TMEM117: variants seen among roughly 807,000 people sequenced by gnomAD.
The protein encoded by TMEM117 is transmembrane protein 117.
TMEM117 carries 27 observed loss-of-function variants against 52.4 expected under a neutral mutation model. That is an observed-to-expected ratio of 0.51 (90% CI 0.38 to 0.71). The LOEUF is 0.71. Among genes scored for constraint, TMEM117 ranks in the 30% least tolerant of loss-of-function variants. The probability of loss-of-function intolerance (pLI) is 0.00; values close to 1 mark genes in which losing one functional copy is unlikely to be tolerated. For synonymous variants in TMEM117, 215 were observed against 206.3 expected (o/e 1.04, Z -0.36); for missense variants, 556 against 630.5 (o/e 0.88, Z 1.26).
At chr12:44,194,554 C>G (rs1949394168) in intron 4 of TMEM117, among the ~76,000 whole-genome samples, 1 of 152,162 alleles carries the variant, frequency 6.6e-6, no homozygotes, top group Non-Finnish European at 1.5e-5. Flanking sequence ...ACTTAATCCA[C>G]TTAATCCCAG....
chr12:43,886,597 G>T (rs1420913892), intron 2 of TMEM117, among the ~76,000 whole-genome samples: 1 of 151,858 alleles, frequency 6.6e-6, no homozygotes, highest in Non-Finnish European at 1.5e-5. Flanking sequence ...TTTGAGAAAT[G>T]TTTTTTTTCT....
chr12:44,065,109 G>T (rs1947201931), intron 3 of TMEM117, among the ~76,000 whole-genome samples: 1 of 152,156 alleles, frequency 6.6e-6, no homozygotes, highest in South Asian at 2.1e-4. Context: ...AACTGGCTGG[G>T]CATGGTGGCT....
At position 44,115,310 on chromosome 12, in the gene TMEM117, G is replaced by A. The variant is rs114574834; in HGVS notation, c.411-28215G>A. On this transcript the variant is annotated intron_variant, in intron 3 of 7. Transcript: ENST00000266534. ...ACATCACACACTGGGGCCTGTTGTC[G>A]GGTGGGGAGAAGGGGGAGGGATAGC... Among the ~76,000 whole-genome samples the A allele has an allele frequency of 8.8e-3, 1,346 of 152,246 alleles. 19 individuals carry two copies. The highest frequency in any genetic ancestry group is 0.03 in the African/African-American group (1,254 of 41,540).
At chr12:44,037,220 G>C (rs554113218) in intron 3 of TMEM117, among the ~76,000 whole-genome samples, 1 of 152,266 alleles carries the variant, frequency 6.6e-6, no homozygotes, top group Non-Finnish European at 1.5e-5. Flanking sequence ...GGCAGGAGCC[G>C]TGCTGTCCTG....
the TMEM117 span, chr12:43,795,877 T>G: frequency 1.1e-6 from 1 of 888,644 alleles, no homozygotes; most frequent in African/African-American, 1.7e-5. Context: ...AAGGACCATA[T>G]GTAAACAGTT....
At chr12:44,108,427 T>G in intron 3 of TMEM117, among the ~76,000 whole-genome samples, 1 of 97,028 alleles carries the variant, frequency 1.0e-5, no homozygotes. Flanking sequence ...CATTGTTCAA[T>G]TCCCACCTAT....
chr12:44,276,737 T>TTA (rs1403808455), intron 5 of TMEM117, among the ~76,000 whole-genome samples: 2 of 152,176 alleles, frequency 1.3e-5, no homozygotes, highest in African/African-American at 4.8e-5. Flanking sequence ...AAGCATTATG[T>TTA]TATATACCAT....
At chr12:43,895,018 G>A (rs1944174465) in intron 2 of TMEM117, among the ~76,000 whole-genome samples, 1 of 152,098 alleles carries the variant, frequency 6.6e-6, no homozygotes, top group African/African-American at 2.4e-5. Context: ...TTTAAGTTCA[G>A]GGCTATAAGT....
At chr12:44,154,053 A>G (rs1286341794) in intron 4 of TMEM117, among the ~76,000 whole-genome samples, 4 of 152,024 alleles carry the variant, frequency 2.6e-5, no homozygotes, top group Non-Finnish European at 5.9e-5. Context: ...TCCTTGGCTG[A>G]CAAAATATGT....
At chr12:44,207,803 T>TA (rs111798692) in intron 4 of TMEM117, among the ~76,000 whole-genome samples, 14,240 of 140,512 alleles carry the variant, frequency 0.1, 1,842 homozygotes, top group African/African-American at 0.31. Context: ...TTGCCCTAAA[T>TA]AAAAAAAAAA....
chr12:44,154,184 G>T (rs551959156), intron 4 of TMEM117, among the ~76,000 whole-genome samples: 1 of 152,040 alleles, frequency 6.6e-6, no homozygotes, highest in Non-Finnish European at 1.5e-5. Flanking sequence ...AATTAAGCAT[G>T]CAACAGCAAT....
intron 3 of TMEM117, among the ~76,000 whole-genome samples, chr12:44,119,620 G>A (rs1224240687): frequency 6.6e-6 from 1 of 152,078 alleles, no homozygotes; most frequent in Non-Finnish European, 1.5e-5. Flanking sequence ...GCTTAGTGTG[G>A]TGACTCACAC....
At chr12:44,376,904 C>A (rs1951949777) in intron 7 of TMEM117, among the ~76,000 whole-genome samples, 180 bp downstream of exon 7, 1 of 152,132 alleles carries the variant, frequency 6.6e-6, no homozygotes, top group African/African-American at 2.4e-5. Flanking sequence ...CATTCTGGGA[C>A]CTAAGTTACT....
At chr12:43,818,793 G>A in the TMEM117 span, among the ~76,000 whole-genome samples, 16 of 152,224 alleles carry the variant, frequency 1.1e-4, no homozygotes, top group South Asian at 2.9e-3. Flanking sequence ...TATGGTCTCA[G>A]TTCAGATTTT....
At chr12:44,220,707 C>T (rs1268108279) in intron 5 of TMEM117, among the ~76,000 whole-genome samples, 2 of 152,032 alleles carry the variant, frequency 1.3e-5, no homozygotes, top group African/African-American at 4.8e-5. Context: ...GATCCTGCAG[C>T]ATCGTGTCAT....
intron 2 of TMEM117, among the ~76,000 whole-genome samples, chr12:43,943,176 CAAAAAAAAAAA>C (rs10667663): frequency 1.4e-5 from 1 of 72,228 alleles, no homozygotes; most frequent in African/African-American, 5.5e-5. Flanking sequence ...GACTCTGTCT[CAAAAAAAAAAA>C]AAAAAAAAAA....
At position 44,228,956 on chromosome 12, in the gene TMEM117, G is replaced by T. The variant is rs112298623; in HGVS notation, c.608+17569G>T. On this transcript the variant is annotated intron_variant, in intron 5 of 7. Coordinates refer to ENST00000266534, the MANE Select transcript of TMEM117 (RefSeq NM_032256.3). ...TGTATGGAGAATGGATTATAGGAAG[G>T]CAGTACAATAAACAGGGATCTGGGC... Among the ~76,000 whole-genome samples the T allele has an allele frequency of 2.3e-3, 355 of 152,196 alleles. 4 individuals carry two copies. Among genetic ancestry groups the T allele is most frequent in the African/African-American group, 8.0e-3 (331 of 41,530 alleles).
chr12:44,016,590 T>G (rs1469138419), intron 3 of TMEM117, among the ~76,000 whole-genome samples: 2 of 152,236 alleles, frequency 1.3e-5, no homozygotes, highest in Non-Finnish European at 2.9e-5. Flanking sequence ...TTAAACTAGA[T>G]GGGAAACAAT....
intron 5 of TMEM117, among the ~76,000 whole-genome samples, chr12:44,265,237 A>G (rs2138551099): frequency 6.6e-6 from 1 of 152,280 alleles, no homozygotes; most frequent in South Asian, 2.1e-4. Context: ...GGCTGTTATG[A>G]TCCAGAAACA....
Sources: gnomAD v4.1 joint callset for allele counts (sites outside exome capture counted in the v4.1 genomes callset) on GRCh38, gnomAD v4.1.1 for gene constraint, MANE v1.5 for transcripts, NCBI Gene and HGNC (gene_info 2026-07-23, HGNC 2026-07-21) for gene names.